Variants in DPYD observed in about 807,000 individuals in gnomAD.
The protein encoded by DPYD is dihydropyrimidine dehydrogenase.
A neutral mutation model predicts 116.2 loss-of-function variants in DPYD; 109 were observed. The observed-to-expected ratio is 0.94, with a 90% confidence interval of 0.80 to 1.10. The LOEUF (loss-of-function observed/expected upper bound fraction) is 1.10. Ranked by LOEUF, DPYD falls within the 50% of genes least tolerant of loss-of-function variation. The probability of loss-of-function intolerance (pLI) is 0.00; values close to 1 mark genes in which losing one functional copy is unlikely to be tolerated. For synonymous variants in DPYD, 440 were observed against 432.0 expected, an observed-to-expected ratio of 1.02 and a Z score of -0.23; for missense variants, 1,302 against 1,254.5, an observed-to-expected ratio of 1.04 and a Z score of -0.57.
At chr1:97,467,880 T>C (rs1039670949) in intron 13 of DPYD, among the ~76,000 whole-genome samples, 2 of 152,190 alleles carry the variant, frequency 1.3e-5, no homozygotes, top group African/African-American at 4.8e-5. Context: ...GAACAAGATT[T>C]TTCTGGAGTG....
intron 13 of DPYD, among the ~76,000 whole-genome samples, chr1:97,452,124 G>A (rs115652558): frequency 0.015 from 2,282 of 152,064 alleles, 28 homozygotes; most frequent in Non-Finnish European, 0.023. Context: ...CCCTACTCCC[G>A]CCCATTCTCC....
chr1:97,453,451 G>C lies in DPYD; in HGVS notation c.1741-3228C>G, dbSNP rs540844890. 3.3e-5 allele frequency among the ~76,000 whole-genome samples: 5 copies of C among 151,974 alleles called. No homozygotes were observed. The East Asian group carries it at 9.7e-4, about 29-fold the overall frequency. ...ACATAGGAATTTTTAAAATATCATA[G>C]AATATAAAAGACACAGAATGGAAAT... On this transcript the variant is annotated intron_variant, in intron 13 of 22. Coordinates refer to ENST00000370192, the MANE Select transcript of DPYD (RefSeq NM_000110.4).
chr1:97,538,980 G>A (rs1429565026), intron 12 of DPYD, among the ~76,000 whole-genome samples: 2 of 152,192 alleles, frequency 1.3e-5, no homozygotes, highest in East Asian at 1.9e-4. Flanking sequence ...TAGGAATACA[G>A]CATATTTTAA....
At position 97,234,969 on chromosome 1, in the gene DPYD, C is replaced by A; in HGVS notation, c.2325G>T (p.Leu775Phe). 1 of 1,614,004 alleles carries A rather than the reference C, an allele frequency of 6.2e-7. No homozygotes were observed. The highest frequency in any genetic ancestry group is 8.5e-7 in the Non-Finnish European group (1 of 1,179,988). ...VSGTAIRPIA[L>F]RAVTSIARAL... ...CACGAGCAATGGAGGTCACAGCTCT[C>A]AAAGCAATAGGTCTGATTGCTGTCC... The change falls in exon 19 of 23, where the codon TTG (leucine) becomes TTT (phenylalanine). Residue 775 changes from leucine (L) to phenylalanine (F), a missense_variant. Leu to Phe is a conservative substitution (Grantham distance 22, BLOSUM62 0). Transcript: ENST00000370192.
At chr1:97,689,379 A>C (rs1375399651) in intron 7 of DPYD, among the ~76,000 whole-genome samples, 1 of 152,056 alleles carries the variant, frequency 6.6e-6, no homozygotes. Context: ...ACTGGAGTTC[A>C]AAAGAAGGAT....
intron 14 of DPYD, among the ~76,000 whole-genome samples, chr1:97,423,829 G>T (rs1674717968): frequency 6.6e-6 from 1 of 151,998 alleles, no homozygotes; most frequent in African/African-American, 2.4e-5. Context: ...TGGACATTTT[G>T]CACTGAAAAG....
chr1:97,617,540 A>G (rs1415789272), intron 8 of DPYD, among the ~76,000 whole-genome samples: 2 of 152,192 alleles, frequency 1.3e-5, no homozygotes, highest in African/African-American at 4.8e-5. Flanking sequence ...GGTCCAGTGA[A>G]AAACACCAAC....
intron 2 of DPYD, among the ~76,000 whole-genome samples, chr1:97,879,451 G>A (rs1241705201): frequency 6.6e-6 from 1 of 151,530 alleles, no homozygotes; most frequent in Admixed American, 6.6e-5. Context: ...AAATTGCTCA[G>A]GAAAAATGAG....
chr1:97,450,577 T>A (rs1026727012), intron 13 of DPYD, among the ~76,000 whole-genome samples: 27 of 151,748 alleles, frequency 1.8e-4, no homozygotes, highest in African/African-American at 6.5e-4. Flanking sequence ...ATCATTTCTG[T>A]CTATTTAATC....
intron 20 of DPYD, among the ~76,000 whole-genome samples, chr1:97,105,976 A>C (rs1030749495): frequency 2.0e-5 from 3 of 152,146 alleles, no homozygotes; most frequent in Admixed American, 6.6e-5. Context: ...GTGGGGGATG[A>C]AGCTGGAATA....
chr1:97,546,118 C>A, intron 12 of DPYD: 2 of 1,429,180 alleles, frequency 1.4e-6, no homozygotes, highest in Non-Finnish European at 2.0e-6. Flanking sequence ...CAAACAATGG[C>A]TGAAGTATTT....
chr1:97,401,451 T>A (rs1673374770), intron 14 of DPYD, among the ~76,000 whole-genome samples: 1 of 152,058 alleles, frequency 6.6e-6, no homozygotes. Context: ...GTAGCTGGGA[T>A]TCCAGGAGGC....
At chr1:97,150,968 G>C (rs1654969544) in intron 20 of DPYD, among the ~76,000 whole-genome samples, 1 of 152,164 alleles carries the variant, frequency 6.6e-6, no homozygotes, top group Admixed American at 6.5e-5. Context: ...CACCAGAAGT[G>C]TAATTACTAG....
chr1:97,145,392 G>C (rs146681842), intron 20 of DPYD, among the ~76,000 whole-genome samples: 2 of 152,178 alleles, frequency 1.3e-5, no homozygotes, highest in African/African-American at 4.8e-5. Context: ...CTTTTGTTCT[G>C]CATGACAGCA....
At chr1:97,527,588 C>T (rs1649242849) in intron 12 of DPYD, among the ~76,000 whole-genome samples, 2 of 151,876 alleles carry the variant, frequency 1.3e-5, no homozygotes, top group Non-Finnish European at 2.9e-5. Flanking sequence ...AATAAAAATA[C>T]AGTCAAACTA....
At chr1:97,173,300 GTACATATATATGCACACATATA>G (rs1656925578) in intron 20 of DPYD, among the ~76,000 whole-genome samples, 3 of 89,400 alleles carry the variant, frequency 3.4e-5, no homozygotes, top group Non-Finnish European at 7.1e-5. Flanking sequence ...GTACACATAT[GTACATATATATGCACACATATA>G]TACACATATA....
At chr1:97,705,083 C>T (rs1163007657) in intron 5 of DPYD, among the ~76,000 whole-genome samples, 3 of 151,854 alleles carry the variant, frequency 2.0e-5, no homozygotes, top group Non-Finnish European at 4.4e-5. Flanking sequence ...GTCAGGTTCA[C>T]ATACAAAAGA....
intron 14 of DPYD, among the ~76,000 whole-genome samples, chr1:97,401,973 A>G (rs376501522): frequency 5.3e-4 from 80 of 152,172 alleles, no homozygotes; most frequent in African/African-American, 1.7e-3. Context: ...TTTTTGTTCA[A>G]TTGATCTATT....
chr1:97,851,710 GAAA>G (rs67006071), intron 2 of DPYD, among the ~76,000 whole-genome samples: 2 of 143,816 alleles, frequency 1.4e-5, no homozygotes, highest in African/African-American at 5.2e-5. Context: ...CAGTAGCAAA[GAAA>G]AAAAAAAAAA....
Sources: allele counts gnomAD v4.1 joint callset (sites outside exome capture counted in the v4.1 genomes callset), GRCh38; gene constraint gnomAD v4.1.1; transcripts MANE v1.5; gene names NCBI Gene and HGNC (gene_info 2026-07-23, HGNC 2026-07-21).